ANKH: variants seen among roughly 807,000 people sequenced by gnomAD.
ANKH encodes the protein mineralization regulator ANKH.
Under a neutral mutation model 49.0 loss-of-function variants are expected in ANKH, and 15 were observed. The observed-to-expected ratio is 0.31, with a 90% CI of 0.20 to 0.47. ANKH has a LOEUF of 0.47. ANKH is among the 20% of genes least tolerant of loss of function. The pLI is 1.00. For missense variants in ANKH, 429 were observed against 652.0 expected, an observed-to-expected ratio of 0.66 and a Z score of 3.72; for synonymous variants, 273 against 260.0, an observed-to-expected ratio of 1.05 and a Z score of -0.48.
intron 1 of ANKH, among the ~76,000 whole-genome samples, chr5:14,868,170 G>A (rs1161246900): frequency 2.0e-5 from 3 of 152,044 alleles, no homozygotes; most frequent in Non-Finnish European, 2.9e-5. Flanking sequence ...TCCTTTACAT[G>A]GTCACGTATG....
intron 1 of ANKH, among the ~76,000 whole-genome samples, chr5:14,799,253 C>T (rs1740489582): frequency 1.3e-5 from 2 of 152,214 alleles, no homozygotes; most frequent in South Asian, 2.1e-4. Flanking sequence ...GAGGTTGGTT[C>T]ATGGGGTTTC....
chr5:14,740,484 A>C (rs1366915808), intron 8 of ANKH, among the ~76,000 whole-genome samples: 2 of 152,104 alleles, frequency 1.3e-5, no homozygotes, highest in East Asian at 3.9e-4. Context: ...ATTCTTCTGC[A>C]GTGAGGCAGT....
chr5:14,851,823 C>A (rs1338087850), intron 1 of ANKH, among the ~76,000 whole-genome samples: 1 of 152,334 alleles, frequency 6.6e-6, no homozygotes, highest in East Asian at 1.9e-4. Flanking sequence ...AGCTTCCTAG[C>A]AGCTTATGGG....
chr5:14,716,194 C>T (rs1369193425), intron 9 of ANKH, among the ~76,000 whole-genome samples: 2 of 152,114 alleles, frequency 1.3e-5, no homozygotes, highest in East Asian at 1.9e-4. Flanking sequence ...TTTTTGTAAT[C>T]ACTGCACTTT....
chr5:14,771,948 C>A (rs55670675), intron 1 of ANKH, among the ~76,000 whole-genome samples: 24,259 of 125,396 alleles, frequency 0.19, 2,784 homozygotes, highest in Middle Eastern at 0.3. Flanking sequence ...AAAAAAAAAA[C>A]CAAAACAAAA....
intron 8 of ANKH, among the ~76,000 whole-genome samples, chr5:14,723,356 T>TAAAAA (rs112862391): frequency 1.1e-4 from 17 of 148,764 alleles, no homozygotes; most frequent in African/African-American, 4.2e-4. Flanking sequence ...ATTCTTTTTT[T>TAAAAA]AAAAAAAAAA....
chr5:14,828,764 C>T (rs943329896), intron 1 of ANKH, among the ~76,000 whole-genome samples: 4 of 152,176 alleles, frequency 2.6e-5, no homozygotes, highest in African/African-American at 7.2e-5. Flanking sequence ...AAATAAAGCT[C>T]ATCCCCTTGC....
intron 1 of ANKH, among the ~76,000 whole-genome samples, chr5:14,800,505 C>G (rs1030741388): frequency 6.6e-6 from 1 of 152,132 alleles, no homozygotes; most frequent in African/African-American, 2.4e-5. Context: ...CTACAACCTG[C>G]CCAACCTTCA....
intron 1 of ANKH, among the ~76,000 whole-genome samples, chr5:14,860,750 A>G (rs1486307364): frequency 6.6e-6 from 1 of 152,056 alleles, no homozygotes; most frequent in African/African-American, 2.4e-5. Context: ...AACGTTATAT[A>G]TATTTTTATT....
chr5:14,770,592 T>A lies in ANKH; in HGVS notation c.97-1401A>T, dbSNP rs538862469. On this transcript the variant is annotated intron_variant, in intron 1 of 11. Transcript: ENST00000284268. This position sits in a 1 kb window ranked among gnomAD's most constrained non-coding sequence, Gnocchi z 4.1. ...CTCTCAAAATATCTTACTGTACTCC[T>A]TGTGATGAGGAAGAGATGAAGCAAG... Among the ~76,000 whole-genome samples, 2 of 152,226 alleles carry A rather than the reference T, an allele frequency of 1.3e-5. No individual in the cohort carries two copies. The highest frequency in any genetic ancestry group is 2.9e-5 in the Non-Finnish European group (2 of 68,040).
chr5:14,758,245 G>A (rs1738964311), intron 3 of ANKH, among the ~76,000 whole-genome samples: 2 of 152,212 alleles, frequency 1.3e-5, no homozygotes, highest in South Asian at 4.1e-4. Context: ...TTACAAAGTA[G>A]AATGGAGGTT....
chr5:14,741,574 G>C (rs1261469558), intron 8 of ANKH: 1 of 473,632 alleles, frequency 2.1e-6, no homozygotes, highest in Non-Finnish European at 3.8e-6. Flanking sequence ...TCCAATTAAA[G>C]GCAACCTCTT....
At chr5:14,730,987 C>A (rs1737981129) in intron 8 of ANKH, among the ~76,000 whole-genome samples, 1 of 152,220 alleles carries the variant, frequency 6.6e-6, no homozygotes, top group Admixed American at 6.5e-5. Flanking sequence ...CACCTGCCTG[C>A]CAAGAAGCCC....
At chr5:14,749,126 C>A in intron 6 of ANKH, 46 bp downstream of exon 6, 1 of 1,613,458 alleles carries the variant, frequency 6.2e-7, no homozygotes, top group Non-Finnish European at 8.5e-7. Flanking sequence ...ACCCCCCTGC[C>A]CCACCAAGGT....
intron 1 of ANKH, among the ~76,000 whole-genome samples, chr5:14,815,511 A>C (rs1358559873): frequency 6.6e-6 from 1 of 152,170 alleles, no homozygotes; most frequent in Non-Finnish European, 1.5e-5. Context: ...AATCATTCTA[A>C]AAATATGGAT....
At chr5:14,866,626 C>T (rs1735653862) in intron 1 of ANKH, among the ~76,000 whole-genome samples, 1 of 152,094 alleles carries the variant, frequency 6.6e-6, no homozygotes, top group Non-Finnish European at 1.5e-5. Context: ...TCTCAACATG[C>T]TCCTTTCCTT....
chr5:14,848,138 A>C (rs751040932), intron 1 of ANKH, among the ~76,000 whole-genome samples: 1 of 152,154 alleles, frequency 6.6e-6, no homozygotes, highest in Non-Finnish European at 1.5e-5. Context: ...GATTCTGTTG[A>C]GAGACAGGAC....
intron 1 of ANKH, among the ~76,000 whole-genome samples, chr5:14,813,759 C>A (rs186565145): frequency 6.6e-6 from 1 of 152,316 alleles, no homozygotes; most frequent in Non-Finnish European, 1.5e-5. Context: ...TGCCATTGCT[C>A]CAGCATCATC....
intron 1 of ANKH, among the ~76,000 whole-genome samples, chr5:14,866,054 T>C (rs893134015): frequency 3.3e-5 from 5 of 152,240 alleles, no homozygotes; most frequent in African/African-American, 1.2e-4. Flanking sequence ...CTGAAAGGTA[T>C]TGAGGTATTC....
Sources: allele counts gnomAD v4.1 joint callset (sites outside exome capture counted in the v4.1 genomes callset), GRCh38; gene constraint gnomAD v4.1.1; non-coding constraint Gnocchi (gnomAD v3.1); transcripts MANE v1.5; gene names NCBI Gene and HGNC (gene_info 2026-07-23, HGNC 2026-07-21).